Variants in ABCB1 observed in about 807,000 individuals in gnomAD.
ABCB1 encodes the protein ATP binding cassette subfamily B member 1.
In ABCB1, 69 loss-of-function variants were observed where a neutral mutation model predicts 142.0. The ratio of observed to expected loss-of-function variants is 0.49; its 90% CI spans 0.40 to 0.59. The LOEUF is 0.59. ABCB1 is among the 20% of genes least tolerant of loss of function. ABCB1 has a pLI of 0.00. For missense variants in ABCB1, 1,326 were observed against 1,554.7 expected (o/e 0.85, Z 2.47); for synonymous variants, 532 against 539.2 (o/e 0.99, Z 0.18).
At chr7:87,595,454 G>A (rs1819160996) in intron 3 of ABCB1, among the ~76,000 whole-genome samples, 1 of 152,084 alleles carries the variant, frequency 6.6e-6, no homozygotes, top group South Asian at 2.1e-4. Context: ...AGCCATTAAA[G>A]ACAGCATTCT....
chr7:87,692,801 T>C (rs528958598), intron 1 of ABCB1, among the ~76,000 whole-genome samples: 1 of 152,342 alleles, frequency 6.6e-6, no homozygotes, highest in African/African-American at 2.4e-5. Context: ...TTGTTTGTTG[T>C]AGTTATAGCA....
At chr7:87,569,100 A>T (rs1049939038) in intron 5 of ABCB1, among the ~76,000 whole-genome samples, 1 of 152,150 alleles carries the variant, frequency 6.6e-6, no homozygotes, top group Non-Finnish European at 1.5e-5. Flanking sequence ...TGGAAGGCCA[A>T]GGTGGGTGGA....
Position 87,564,793 on chromosome 7 carries a change from T to G in ABCB1, c.702+1277A>C, listed in dbSNP as rs565331616. Among the ~76,000 whole-genome samples, 87 of 152,358 alleles carry G rather than the reference T, an allele frequency of 5.7e-4. 1 individual carries two copies. In the Middle Eastern group the frequency reaches 0.01, roughly 18 times the overall value. ...ACTAAATAAATGGCATGTGAAGCAATGCATAATTAATCATTAAAAGATTAA... is the reference window on the plus strand; with the variant it reads ...ACTAAATAAATGGCATGTGAAGCAAGGCATAATTAATCATTAAAAGATTAA... On this transcript the variant is annotated intron_variant, in intron 7 of 27. Coordinates refer to ENST00000622132, the MANE Select transcript of ABCB1 (RefSeq NM_001348946.2).
chr7:87,709,470 A>C, intron 1 of ABCB1: 1 of 985,424 alleles, frequency 1.0e-6, no homozygotes, highest in Non-Finnish European at 1.2e-6. Flanking sequence ...GGAACAATGG[A>C]CTGAGCACAG....
intron 25 of ABCB1, among the ~76,000 whole-genome samples, chr7:87,510,807 T>G (rs1814971454): frequency 6.6e-6 from 1 of 152,106 alleles, no homozygotes; most frequent in Admixed American, 6.5e-5. Flanking sequence ...ATTCCACACA[T>G]GTATGCTCCA....
chr7:87,566,858 GA>G lies in ABCB1; in HGVS notation c.456del (p.His153MetfsTer3). The G allele has an allele frequency of 6.2e-7, 1 of 1,614,114 alleles. No homozygotes were observed. ...RQIHKIRKQF[F>X]HAIMRQEIGW... ...CCTATCTCCTGTCGCATTATAGCAT[GA>G]AAAAACTGTTTTCTAATTTTGTGTA... On this transcript the variant is annotated frameshift_variant, in exon 6 of 28. Coordinates refer to ENST00000622132, the MANE Select transcript of ABCB1 (RefSeq NM_001348946.2). LOFTEE classifies it high-confidence loss of function.
chr7:87,557,209 A>G (rs1817348596), intron 8 of ABCB1, among the ~76,000 whole-genome samples: 1 of 151,422 alleles, frequency 6.6e-6, no homozygotes, highest in Non-Finnish European at 1.5e-5. Flanking sequence ...TTCCATTTTT[A>G]TCCATTTTAC....
intron 3 of ABCB1, among the ~76,000 whole-genome samples, chr7:87,590,704 C>T (rs1302083002): frequency 6.6e-6 from 1 of 152,136 alleles, no homozygotes; most frequent in Non-Finnish European, 1.5e-5. Context: ...TATTTGTCTG[C>T]AGTAAAGTCA....
At chr7:87,628,915 T>G (rs1584941062) in intron 1 of ABCB1, 1 of 1,309,240 alleles carries the variant, frequency 7.6e-7, no homozygotes, top group Non-Finnish European at 9.8e-7. Flanking sequence ...AATGCTGCGG[T>G]GGAGAGGAGG....
rs555914294 is a variant in ABCB1 at position 87,629,483 on chromosome 7, A to T, written c.-330-28405T>A. Among the ~76,000 whole-genome samples, 17 of 152,302 alleles carry T rather than the reference A, an allele frequency of 1.1e-4. No individual in the cohort carries two copies. The South Asian group carries it at 3.3e-3, about 30-fold the overall frequency. Reference sequence around the variant, plus strand: ...CTATCCACTTTTCAGCTACAGTGCTAGTGCTGGTTCTGCAGTTGTTATTAA... The same window carrying T: ...CTATCCACTTTTCAGCTACAGTGCTTGTGCTGGTTCTGCAGTTGTTATTAA... On this transcript the variant is annotated intron_variant, in intron 1 of 28. Coordinates refer to the ABCB1 transcript ENST00000265724.
At chr7:87,710,601 A>C (rs765989518) in intron 1 of ABCB1, 3 of 1,602,250 alleles carry the variant, frequency 1.9e-6, no homozygotes, top group Non-Finnish European at 2.6e-6. Context: ...GCACTCATGG[A>C]AAAACATTTA....
At chr7:87,621,015 A>C (rs1293645820) in intron 1 of ABCB1, among the ~76,000 whole-genome samples, 1 of 152,200 alleles carries the variant, frequency 6.6e-6, no homozygotes, top group Non-Finnish European at 1.5e-5. Flanking sequence ...AAATAAAAAA[A>C]AAATGTGAAG....
intron 1 of ABCB1, chr7:87,709,298 T>TTG: frequency 1.0e-6 from 1 of 985,244 alleles, no homozygotes; most frequent in Middle Eastern, 5.2e-4. Flanking sequence ...ATTGGTGAAA[T>TTG]TGTAGCCTTT....
chr7:87,539,121 G>T, intron 19 of ABCB1, 147 bp downstream of exon 19: 1 of 858,438 alleles, frequency 1.2e-6, no homozygotes, highest in Non-Finnish European at 1.9e-6. Flanking sequence ...CTAGTGGGCG[G>T]TTCAACCGCA....
intron 3 of ABCB1, among the ~76,000 whole-genome samples, chr7:87,594,462 A>T (rs563371152): frequency 6.6e-6 from 1 of 152,340 alleles, no homozygotes; most frequent in East Asian, 1.9e-4. Context: ...TCTATATAGT[A>T]GGTCTGTTAA....
intron 1 of ABCB1, among the ~76,000 whole-genome samples, chr7:87,633,985 C>G (rs1297294110): frequency 6.6e-6 from 1 of 152,122 alleles, no homozygotes; most frequent in Non-Finnish European, 1.5e-5. Context: ...CTGGTGAGGG[C>G]TTTTGTGCTT....
intron 1 of ABCB1, among the ~76,000 whole-genome samples, chr7:87,653,772 A>C (rs540707195): frequency 1.1e-4 from 16 of 151,902 alleles, no homozygotes; most frequent in Non-Finnish European, 1.5e-4. Context: ...AGTTTCTTTA[A>C]TCTTCTGGAA....
intron 3 of ABCB1, among the ~76,000 whole-genome samples, chr7:87,594,206 T>A (rs954813868): frequency 6.6e-6 from 1 of 152,170 alleles, no homozygotes; most frequent in South Asian, 2.1e-4. Context: ...ATTCTCTCTA[T>A]CCTGGCCCCA....
intron 4 of ABCB1, among the ~76,000 whole-genome samples, chr7:87,582,668 T>C (rs182812669): frequency 2.6e-5 from 4 of 152,260 alleles, no homozygotes; most frequent in Non-Finnish European, 5.9e-5. Flanking sequence ...TACTGTGTCA[T>C]TGTGGCATAG....
Sources: gnomAD v4.1 joint callset for allele counts (sites outside exome capture counted in the v4.1 genomes callset) on GRCh38, gnomAD v4.1.1 for gene constraint, MANE v1.5 for transcripts, NCBI Gene and HGNC (gene_info 2026-07-23, HGNC 2026-07-21) for gene names.